LYST: variants seen among roughly 807,000 people sequenced by gnomAD.
LYST encodes the protein lysosomal trafficking regulator.
LYST carries 192 observed loss-of-function variants against 413.6 expected under a neutral mutation model. That is an observed-to-expected ratio of 0.46 (90% CI 0.41 to 0.52). The LOEUF (loss-of-function observed/expected upper bound fraction) is 0.52. Among genes scored for constraint, LYST ranks in the 20% least tolerant of loss-of-function variants. The pLI is 0.00. For synonymous variants in LYST, 1,525 were observed against 1,567.3 expected, an observed-to-expected ratio of 0.97 and a Z score of 0.64; for missense variants, 3,815 against 4,499.9, an observed-to-expected ratio of 0.85 and a Z score of 4.35.
chr1:235,687,146 T>G, intron 47 of LYST, 99 bp from the exon 48 acceptor site: 1 of 853,002 alleles, frequency 1.2e-6, no homozygotes, highest in African/African-American at 1.7e-5. Flanking sequence ...CTTCTACTTT[T>G]CTGACAACTA....
chr1:235,852,905 C>T (rs1444684115), intron 1 of LYST: 1 of 169,508 alleles, frequency 5.9e-6, no homozygotes, highest in Non-Finnish European at 1.5e-5. Context: ...TTTCCTAATA[C>T]TGCATACAAT....
chr1:235,698,115 T>C (rs1428575107), intron 45 of LYST, among the ~76,000 whole-genome samples: 1 of 152,226 alleles, frequency 6.6e-6, no homozygotes, highest in African/African-American at 2.4e-5. Context: ...TGTTTTATCC[T>C]CTACTGAACT....
In LYST at chr1:235,863,990, C is replaced by G. The variant is rs1680201559; in HGVS notation, c.-98+2853G>C. ...ATCCTAAATATCTGATCAGGTTCCT[C>G]ATCCTCCACCATTCCCCAGGTAATG... On this transcript the variant is annotated intron_variant, in intron 1 of 52. Transcript: ENST00000389793. 2.0e-5 allele frequency among the ~76,000 whole-genome samples: 3 copies of G among 152,196 alleles called. No homozygotes were observed. The South Asian group carries it at 6.2e-4, about 32-fold the overall frequency.
intron 6 of LYST, 88 bp downstream of exon 6, chr1:235,805,655 T>C (rs1672750291): frequency 1.8e-6 from 1 of 554,800 alleles, no homozygotes; most frequent in Non-Finnish European, 2.9e-6. Context: ...TATTATGTAA[T>C]ACATATTACA....
At chr1:235,778,968 G>A (rs893289986) in intron 16 of LYST, among the ~76,000 whole-genome samples, 1 of 151,788 alleles carries the variant, frequency 6.6e-6, no homozygotes, top group Non-Finnish European at 1.5e-5. Flanking sequence ...CTAGGTTCAA[G>A]CGATTCTCCT....
intron 14 of LYST, among the ~76,000 whole-genome samples, chr1:235,783,841 T>C (rs1320097589): frequency 2.0e-5 from 3 of 151,982 alleles, no homozygotes. Context: ...TACCTTATTT[T>C]AAAAGGCCTC....
intron 11 of LYST, 125 bp from the exon 12 acceptor site, chr1:235,792,250 C>G: frequency 3.0e-6 from 2 of 656,004 alleles, no homozygotes; most frequent in Non-Finnish European, 5.3e-6. Context: ...TATTTAAATA[C>G]CTTCCTATCT....
chr1:235,684,325 G>T (rs1292033410), intron 48 of LYST, among the ~76,000 whole-genome samples: 1 of 151,954 alleles, frequency 6.6e-6, no homozygotes, highest in African/African-American at 2.4e-5. Context: ...TCAAAGTGTT[G>T]GCAAAAGCAA....
At chr1:235,764,495 C>A (rs374695724) in intron 21 of LYST, among the ~76,000 whole-genome samples, 1 of 97,948 alleles carries the variant, frequency 1.0e-5, no homozygotes. Flanking sequence ...TTTTTCTTTT[C>A]TTTTTTTTTT....
chr1:235,727,857 T>C (rs1241274766), intron 38 of LYST, among the ~76,000 whole-genome samples: 2 of 152,204 alleles, frequency 1.3e-5, no homozygotes, highest in African/African-American at 4.8e-5. Flanking sequence ...ATATGACTTA[T>C]ATTAACTGCT....
At chr1:235,719,697 G>T (rs1663169935) in intron 40 of LYST, among the ~76,000 whole-genome samples, 1 of 149,380 alleles carries the variant, frequency 6.7e-6, no homozygotes, top group African/African-American at 2.5e-5. Context: ...GCCAAAAAAA[G>T]AGTTGAACCT....
At chr1:235,815,639 C>T (rs1437778692) in intron 3 of LYST, among the ~76,000 whole-genome samples, 1 of 152,124 alleles carries the variant, frequency 6.6e-6, no homozygotes, top group Non-Finnish European at 1.5e-5. Flanking sequence ...CATACATCGA[C>T]AACACCCAAG....
chr1:235,682,070 G>T (rs897609365), intron 48 of LYST, among the ~76,000 whole-genome samples: 10 of 152,186 alleles, frequency 6.6e-5, no homozygotes, highest in African/African-American at 2.4e-4. Flanking sequence ...AAGCACTTTG[G>T]GAGGCTGAGG....
At chr1:235,824,513 A>G (rs1341266021) in intron 3 of LYST, among the ~76,000 whole-genome samples, 1 of 152,182 alleles carries the variant, frequency 6.6e-6, no homozygotes, top group African/African-American at 2.4e-5. Flanking sequence ...AAGTGACTAA[A>G]GTCACTCATC....
Position 235,674,494 on chromosome 1 carries a change from T to G in LYST, c.11038+2597A>C, listed in dbSNP as rs1024556733. On this transcript the variant is annotated intron_variant, in intron 50 of 52. Transcript: ENST00000389793. This position sits in a 1 kb window ranked among gnomAD's most constrained non-coding sequence, Gnocchi z 4.1. ...GTTCCACAAGAGGTGCTAAATGAAT[T>G]TAAAGCCAGGAATCAAATAGCTGCA... Among the ~76,000 whole-genome samples, 1 of 152,154 alleles carries G rather than the reference T, an allele frequency of 6.6e-6. No homozygotes were observed. The highest frequency in any genetic ancestry group is 6.5e-5 in the Admixed American group (1 of 15,268).
chr1:235,813,129 T>C (rs1673641142), intron 3 of LYST, 68 bp from the exon 4 acceptor site: 3 of 934,424 alleles, frequency 3.2e-6, no homozygotes, highest in Non-Finnish European at 5.2e-6. Context: ...TAATGTCTTG[T>C]CTTAAACTGA....
rs757176264 is a variant in LYST, at chr1:235,808,431, G to A, written c.2363+24C>T. Reference sequence around the variant, plus strand: ...GACATGCTCAACAACCCCCGCCCCCGCCGCCACCCACACACATACAAACCT... The same window carrying A: ...GACATGCTCAACAACCCCCGCCCCCACCGCCACCCACACACATACAAACCT... On this transcript the variant is annotated intron_variant, in intron 5 of 52. Transcript: ENST00000389793. 18 of 1,386,860 alleles carry A rather than the reference G, an allele frequency of 1.3e-5. No homozygotes were observed. In the East Asian group the frequency reaches 2.0e-4, roughly 16 times the overall value. The allele number at this position is 1,386,860 out of a possible 1,614,324, so 85.9% of individuals were successfully genotyped here.
chr1:235,730,792 A>G (rs1480591518), intron 36 of LYST, 55 bp downstream of exon 36: 1 of 1,069,418 alleles, frequency 9.4e-7, no homozygotes, highest in African/African-American at 1.6e-5. Context: ...CATAAACACT[A>G]CAATAAGCTG....
Position 235,827,461 on chromosome 1 carries a change from T to C in LYST, c.192+2765A>G, listed in dbSNP as rs1675455113. ...CCAGAGTACTCAAGAAGTGCTCCTA[T>C]TCATGAGAAGCACAGATAGAAAAAC... On this transcript the variant is annotated intron_variant, in intron 3 of 52. Transcript: ENST00000389793. The C allele has an allele frequency of 4.1e-6, 4 of 982,924 alleles. No individual in the cohort carries two copies. The Admixed American group carries it at 1.8e-4, about 45-fold the overall frequency. The allele number at this position is 982,924 out of a possible 1,614,324, so 60.9% of individuals were successfully genotyped here. A position where few individuals can be genotyped will look rare whatever the true frequency, so the allele number is the denominator to read the frequency against.
Sources: allele counts gnomAD v4.1 joint callset (sites outside exome capture counted in the v4.1 genomes callset), GRCh38; gene constraint gnomAD v4.1.1; non-coding constraint Gnocchi (gnomAD v3.1); transcripts MANE v1.5; gene names NCBI Gene and HGNC (gene_info 2026-07-23, HGNC 2026-07-21).